The following NUMB variants were observed in gnomAD, a reference collection of about 807,000 sequenced individuals.
The protein encoded by NUMB is NUMB endocytic adaptor protein, also known as protein numb homolog.
A neutral mutation model predicts 59.7 loss-of-function variants in NUMB; 29 were observed. The ratio of observed to expected loss-of-function variants is 0.49; its 90% CI spans 0.36 to 0.66. The LOEUF (loss-of-function observed/expected upper bound fraction) is 0.66. Ranked by LOEUF, NUMB falls within the 30% of genes least tolerant of loss-of-function variation. NUMB has a pLI of 0.00. For missense variants in NUMB, 723 were observed against 822.0 expected, an observed-to-expected ratio of 0.88 and a Z score of 1.47; for synonymous variants, 288 against 288.2, an observed-to-expected ratio of 1.00 and a Z score of 0.01.
chr14:73,409,024 G>A (rs1056435363), intron 2 of NUMB: 3 of 151,882 alleles, frequency 2.0e-5, no homozygotes, highest in Non-Finnish European at 4.4e-5. Context: ...ATAATATCCT[G>A]TAAATATTCC....
chr14:73,284,519 G>A (rs973720200), intron 9 of NUMB, 145 bp from the exon 10 acceptor site: 4 of 661,058 alleles, frequency 6.1e-6, no homozygotes, highest in Admixed American at 5.8e-5. Flanking sequence ...AGCAGGGTTC[G>A]GATCCATTTT....
intron 4 of NUMB, among the ~76,000 whole-genome samples, chr14:73,336,104 T>C (rs1192633946): frequency 6.6e-6 from 1 of 152,206 alleles, no homozygotes; most frequent in Non-Finnish European, 1.5e-5. Context: ...AAGTGAGTTA[T>C]ACAAGGTCAT....
At chr14:73,418,529 T>G (rs1005885513) in intron 1 of NUMB, among the ~76,000 whole-genome samples, 1 of 152,000 alleles carries the variant, frequency 6.6e-6, no homozygotes, top group Non-Finnish European at 1.5e-5. Flanking sequence ...CCCAGCGCTT[T>G]GGGAGGCACA....
chr14:73,365,862 G>A (rs1894321793), intron 3 of NUMB, among the ~76,000 whole-genome samples: 1 of 152,176 alleles, frequency 6.6e-6, no homozygotes, highest in East Asian at 1.9e-4. Flanking sequence ...TATGAGAAAA[G>A]AATACATGAT....
intron 2 of NUMB, among the ~76,000 whole-genome samples, chr14:73,373,193 CTGTCTTTGGGTAA>C (rs1894791676): frequency 6.6e-6 from 1 of 152,168 alleles, no homozygotes; most frequent in Admixed American, 6.5e-5. Flanking sequence ...CTAGGAATCA[CTGTCTTTGGGTAA>C]TACAGAAAGA....
chr14:73,297,215 G>GT lies in NUMB; in HGVS notation c.304dup (p.Thr102AsnfsTer2). On this transcript the variant is annotated frameshift_variant, in exon 7 of 13. Transcript: ENST00000555238. LOFTEE classifies it high-confidence loss of function. Reference sequence around the variant, plus strand: ...AATAAAAATAAAGAATCTTACCTTAGTTTTTTCATCCACAACTCTGAGTCC... The same window carrying GT: ...AATAAAAATAAAGAATCTTACCTTAGTTTTTTTCATCCACAACTCTGAGTCC... 1 of 1,580,782 alleles carries GT rather than the reference G, an allele frequency of 6.3e-7. No individual in the cohort carries two copies. The highest frequency in any genetic ancestry group is 8.7e-7 in the Non-Finnish European group (1 of 1,152,898).
chr14:73,420,730 G>A (rs939380494), intron 1 of NUMB, among the ~76,000 whole-genome samples: 25 of 152,268 alleles, frequency 1.6e-4, no homozygotes, highest in Admixed American at 1.6e-3. Context: ...TGAGACATGA[G>A]AATTGCTTGA....
intron 4 of NUMB, among the ~76,000 whole-genome samples, chr14:73,335,689 G>A (rs1892270352): frequency 6.6e-6 from 1 of 152,082 alleles, no homozygotes; most frequent in African/African-American, 2.4e-5. Context: ...TTAAAAAATA[G>A]ATTCCCTCCC....
chr14:73,380,949 C>T (rs1284146373), intron 2 of NUMB, among the ~76,000 whole-genome samples: 1 of 152,154 alleles, frequency 6.6e-6, no homozygotes, highest in Non-Finnish European at 1.5e-5. Context: ...TCTCAAACTC[C>T]TAACCTCAAG....
intron 2 of NUMB, among the ~76,000 whole-genome samples, chr14:73,372,888 A>G (rs1894780267): frequency 6.6e-6 from 1 of 152,014 alleles, no homozygotes; most frequent in South Asian, 2.1e-4. Context: ...GTTCACCTTG[A>G]GTTTAAGAGT....
At chr14:73,350,223 G>A (rs1344881911) in intron 4 of NUMB, among the ~76,000 whole-genome samples, 1 of 149,006 alleles carries the variant, frequency 6.7e-6, no homozygotes, top group East Asian at 2.0e-4. Context: ...ACCCAGGCTG[G>A]GGTGCAGTGG....
chr14:73,386,856 T>C (rs1566773772), intron 2 of NUMB, among the ~76,000 whole-genome samples: 2 of 143,794 alleles, frequency 1.4e-5, no homozygotes, highest in African/African-American at 5.1e-5. Flanking sequence ...AGACAATCTA[T>C]CAGGTGTCTT....
chr14:73,398,506 G>A (rs1029297649), intron 2 of NUMB, among the ~76,000 whole-genome samples: 2 of 150,102 alleles, frequency 1.3e-5, no homozygotes, highest in Non-Finnish European at 3.0e-5. Flanking sequence ...TCTGGATTAG[G>A]GTATTATAGA....
rs1211954200 is a variant in NUMB, at chr14:73,276,944, A to G, written c.1590T>C (p.Thr530=). 6.2e-7 allele frequency: 1 copy of G among 1,614,098 alleles called. No homozygotes were observed. Among genetic ancestry groups the G allele is most frequent in the East Asian group, 2.2e-5 (1 of 44,884 alleles). ...ATACGTTGGCCACCATCTGGGAGGG[A>G]GTGATGCCCACCACAGGCACATTAG... ...PAPNVPVVGI[T]PSQMVANVFG... Residue 530 remains threonine, a synonymous_variant, in exon 13 of 13, where the codon ACT becomes ACC. Transcript: ENST00000555238.
At chr14:73,350,795 T>C (rs1479496955) in intron 4 of NUMB, among the ~76,000 whole-genome samples, 4 of 151,800 alleles carry the variant, frequency 2.6e-5, no homozygotes, top group Non-Finnish European at 5.9e-5. Flanking sequence ...TCCCAAAGTG[T>C]TGAGATTACA....
chr14:73,276,899 A>T lies in NUMB; in HGVS notation c.1635T>A (p.Pro545=), dbSNP rs1401095243. Residue 545 remains proline (P), a synonymous_variant, in exon 13 of 13, where the codon CCT becomes CCA. Coordinates refer to ENST00000555238, the MANE Select transcript of NUMB (RefSeq NM_001005743.2). ...GTGACTGATGGGGATGGGCAGCCTG[A>T]GGGTGGCCTGCAGTGCCAAATACGT... is the stretch of plus-strand genomic sequence containing the variant. ...VANVFGTAGH[P]QAAHPHQSPS... is the part of the protein sequence containing the mutation. 6.2e-7 allele frequency: 1 copy of T among 1,613,998 alleles called. No individual in the cohort carries two copies. The highest frequency in any genetic ancestry group is 8.5e-7 in the Non-Finnish European group (1 of 1,179,914).
At chr14:73,376,805 A>T (rs1336170630) in intron 2 of NUMB, among the ~76,000 whole-genome samples, 3 of 152,198 alleles carry the variant, frequency 2.0e-5, no homozygotes, top group African/African-American at 7.2e-5. Context: ...TGAGTCCAGG[A>T]GTTTGAGATT....
At chr14:73,312,151 T>C (rs1890808739) in intron 6 of NUMB, among the ~76,000 whole-genome samples, 1 of 152,190 alleles carries the variant, frequency 6.6e-6, no homozygotes, top group Non-Finnish European at 1.5e-5. Context: ...CCCAGCACCT[T>C]GGGAGGCCAA....
intron 6 of NUMB, among the ~76,000 whole-genome samples, chr14:73,306,492 ATCT>A (rs1890435855): frequency 6.6e-6 from 1 of 152,208 alleles, no homozygotes; most frequent in Non-Finnish European, 1.5e-5. Flanking sequence ...TCTGGGTCTC[ATCT>A]TCTGTTTCCT....
Sources: gnomAD v4.1 joint callset for allele counts (sites outside exome capture counted in the v4.1 genomes callset) on GRCh38, gnomAD v4.1.1 for gene constraint, MANE v1.5 for transcripts, NCBI Gene and HGNC (gene_info 2026-07-23, HGNC 2026-07-21) for gene names.